The following LINGO2 variants were observed in gnomAD, a reference collection of about 807,000 sequenced individuals.
LINGO2 encodes leucine rich repeat and Ig domain containing 2, also known as leucine-rich repeat and immunoglobulin-like domain-containing nogo receptor-interacting protein 2.
LINGO2 carries 14 observed loss-of-function variants against 30.6 expected under a neutral mutation model. The observed-to-expected ratio is 0.46, with a 90% confidence interval of 0.30 to 0.72. The LOEUF is 0.72. LINGO2 is among the 30% of genes least tolerant of loss of function. LINGO2 has a pLI of 0.07. For synonymous variants in LINGO2, 317 were observed against 288.5 expected, an observed-to-expected ratio of 1.10 and a Z score of -1.00; for missense variants, 729 against 751.7, an observed-to-expected ratio of 0.97 and a Z score of 0.35.
chr9:28,181,133 C>G (rs1360806511), intron 4 of LINGO2, among the ~76,000 whole-genome samples: 1 of 152,094 alleles, frequency 6.6e-6, no homozygotes, highest in Admixed American at 6.6e-5. Flanking sequence ...AGGGAGACAG[C>G]AAGTACAGGA....
intron 4 of LINGO2, among the ~76,000 whole-genome samples, chr9:28,213,445 A>G (rs1339015300): frequency 2.0e-5 from 3 of 151,494 alleles, no homozygotes. Context: ...ACAGATAAGC[A>G]CAAAAATTGA....
intron 1 of LINGO2, among the ~76,000 whole-genome samples, chr9:28,632,849 ATAT>A (rs1827046067): frequency 8.6e-6 from 1 of 116,030 alleles, no homozygotes; most frequent in Non-Finnish European, 1.7e-5. Flanking sequence ...AAATCTATAT[ATAT>A]TTTTTATATA....
intron 4 of LINGO2, among the ~76,000 whole-genome samples, chr9:28,185,290 G>A (rs996498810): frequency 4.6e-5 from 7 of 152,052 alleles, no homozygotes; most frequent in Non-Finnish European, 8.8e-5. Flanking sequence ...TTTACATAAT[G>A]CAAGGTGTTT....
intron 4 of LINGO2, among the ~76,000 whole-genome samples, chr9:28,079,160 G>GT (rs1468357615): frequency 1.5e-5 from 2 of 135,170 alleles, no homozygotes; most frequent in African/African-American, 7.8e-5. Flanking sequence ...AGCAGGATCA[G>GT]GTTTTAACAC....
At chr9:28,771,475 G>A in the LINGO2 span, among the ~76,000 whole-genome samples, 4,681 of 118,870 alleles carry the variant, frequency 0.039, 135 homozygotes, top group Non-Finnish European at 0.057. Flanking sequence ...GTGTGTGTGT[G>A]TGTGTGTGTG....
chr9:28,518,945 T>A (rs972066413), intron 1 of LINGO2, among the ~76,000 whole-genome samples: 24 of 152,210 alleles, frequency 1.6e-4, no homozygotes, highest in Admixed American at 9.8e-4. Flanking sequence ...CTTTCTGCTT[T>A]TCTTGTACTG....
chr9:28,433,624 C>T (rs568918061), intron 2 of LINGO2, among the ~76,000 whole-genome samples: 9 of 151,996 alleles, frequency 5.9e-5, no homozygotes, highest in Admixed American at 2.0e-4. Context: ...AGGCAAAAAG[C>T]ATTAGATGTT....
intron 4 of LINGO2, among the ~76,000 whole-genome samples, chr9:28,119,834 T>C (rs1827041640): frequency 6.6e-6 from 1 of 152,126 alleles, no homozygotes; most frequent in African/African-American, 2.4e-5. Context: ...TATAGGTAAA[T>C]GCACTATGAA....
At chr9:28,900,712 G>C in the LINGO2 span, among the ~76,000 whole-genome samples, 1 of 152,272 alleles carries the variant, frequency 6.6e-6, no homozygotes, top group African/African-American at 2.4e-5. Context: ...TGCAAAGACT[G>C]AAATGAGTCC....
intron 1 of LINGO2, among the ~76,000 whole-genome samples, chr9:28,663,395 T>C (rs1828663564): frequency 6.6e-6 from 1 of 152,146 alleles, no homozygotes; most frequent in Admixed American, 6.5e-5. Flanking sequence ...GGGCTTGAAC[T>C]CCTGACCTCA....
chr9:28,719,223 G>GTT, the LINGO2 span, among the ~76,000 whole-genome samples: 1 of 151,912 alleles, frequency 6.6e-6, no homozygotes, highest in Admixed American at 6.6e-5. Context: ...GATTCTACCC[G>GTT]TTTGTGTCTT....
intron 4 of LINGO2, among the ~76,000 whole-genome samples, chr9:28,186,034 T>C (rs867599939): frequency 6.6e-6 from 1 of 152,168 alleles, no homozygotes; most frequent in African/African-American, 2.4e-5. Flanking sequence ...TTGGGACATG[T>C]CCTCAGCCAA....
chr9:29,047,210 G>C, the LINGO2 span, among the ~76,000 whole-genome samples: 1 of 151,766 alleles, frequency 6.6e-6, no homozygotes, highest in South Asian at 2.1e-4. Flanking sequence ...AAATTTAAAA[G>C]AGAAAAACAA....
At chr9:28,149,739 C>T (rs1827936359) in intron 4 of LINGO2, among the ~76,000 whole-genome samples, 1 of 151,006 alleles carries the variant, frequency 6.6e-6, no homozygotes, top group African/African-American at 2.4e-5. Flanking sequence ...AGCGCCTCTG[C>T]CCAGCTGCCC....
intron 4 of LINGO2, among the ~76,000 whole-genome samples, chr9:28,093,499 T>A (rs570387680): frequency 6.6e-6 from 1 of 152,224 alleles, no homozygotes; most frequent in East Asian, 1.9e-4. Context: ...GTGTGGCAAT[T>A]AGTATACAGT....
At chr9:28,707,469 A>G in the LINGO2 span, among the ~76,000 whole-genome samples, 1 of 152,160 alleles carries the variant, frequency 6.6e-6, no homozygotes, top group African/African-American at 2.4e-5. Context: ...GTTAATTTAT[A>G]TATTCTTTTC....
At chr9:29,211,579 T>TTCTCTTCTC in the LINGO2 span, among the ~76,000 whole-genome samples, 1 of 150,986 alleles carries the variant, frequency 6.6e-6, no homozygotes, top group African/African-American at 2.4e-5. Context: ...TTCTCTTCTC[T>TTCTCTTCTC]TCTCTCTCTC....
chr9:28,906,446 TA>T, the LINGO2 span, among the ~76,000 whole-genome samples: 1 of 151,682 alleles, frequency 6.6e-6, no homozygotes, highest in Non-Finnish European at 1.5e-5. Context: ...TAATTAATTT[TA>T]AAAGGAAAAT....
At chr9:29,120,360 A>C in the LINGO2 span, among the ~76,000 whole-genome samples, 1 of 152,098 alleles carries the variant, frequency 6.6e-6, no homozygotes, top group African/African-American at 2.4e-5. Flanking sequence ...ACATGTCATT[A>C]AAATTTGGGG....
Sources: allele counts gnomAD v4.1 joint callset (sites outside exome capture counted in the v4.1 genomes callset), GRCh38; gene constraint gnomAD v4.1.1; transcripts MANE v1.5; gene names NCBI Gene and HGNC (gene_info 2026-07-23, HGNC 2026-07-21).